PARK7: variants seen among roughly 807,000 people sequenced by gnomAD.
PARK7 encodes the protein Parkinsonism associated deglycase.
Under a neutral mutation model 20.5 loss-of-function variants are expected in PARK7, and 14 were observed. The ratio of observed to expected loss-of-function variants is 0.68; its 90% confidence interval spans 0.45 to 1.07. PARK7 has a LOEUF of 1.07. Ranked by LOEUF, PARK7 falls within the 50% of genes least tolerant of loss-of-function variation. PARK7 has a pLI of 0.00. For synonymous variants in PARK7, 98 were observed against 84.3 expected (o/e 1.16, Z -0.89); for missense variants, 234 against 238.1 (o/e 0.98, Z 0.11).
intron 5 of PARK7, among the ~76,000 whole-genome samples, chr1:7,974,133 G>C (rs1640522286): frequency 8.8e-6 from 1 of 113,954 alleles, no homozygotes; most frequent in Non-Finnish European, 2.1e-5. Flanking sequence ...AACATAGTGA[G>C]ACCCCCCCAC....
At chr1:7,967,128 A>ATT (rs142292173) in intron 3 of PARK7, among the ~76,000 whole-genome samples, 1 of 151,302 alleles carries the variant, frequency 6.6e-6, no homozygotes. Context: ...TATGTGATCA[A>ATT]TTTTTTTTTA....
chr1:7,970,679 G>A (rs1640446650), intron 4 of PARK7, among the ~76,000 whole-genome samples: 2 of 152,162 alleles, frequency 1.3e-5, no homozygotes, highest in Non-Finnish European at 1.5e-5. Flanking sequence ...GTGGAAGAGT[G>A]CGTTTCTCTT....
chr1:7,962,969 T>C, intron 2 of PARK7, 94 bp downstream of exon 2: 1 of 1,015,234 alleles, frequency 9.8e-7, no homozygotes, highest in South Asian at 1.3e-5. Flanking sequence ...CTCTATGAAA[T>C]ATTTCAAATA....
chr1:7,962,521 C>CT (rs1307592775), intron 1 of PARK7, among the ~76,000 whole-genome samples: 1 of 152,152 alleles, frequency 6.6e-6, no homozygotes, highest in African/African-American at 2.4e-5. Flanking sequence ...AGAAGAAAAT[C>CT]TAAGCAATAC....
At chr1:7,976,609 A>T (rs542410506) in intron 5 of PARK7, among the ~76,000 whole-genome samples, 1 of 152,212 alleles carries the variant, frequency 6.6e-6, no homozygotes, top group South Asian at 2.1e-4. Flanking sequence ...ACTTCCAGGC[A>T]CTTCACAGGC....
At chr1:7,975,005 G>A (rs1334644846) in intron 5 of PARK7, among the ~76,000 whole-genome samples, 1 of 151,888 alleles carries the variant, frequency 6.6e-6, no homozygotes, top group Non-Finnish European at 1.5e-5. Context: ...ACAGGCACCT[G>A]CCACCATGCC....
At chr1:7,971,300 G>T (rs1290733318) in intron 5 of PARK7, 4 of 384,790 alleles carry the variant, frequency 1.0e-5, no homozygotes, top group Non-Finnish European at 2.0e-5. Flanking sequence ...CACACAATCA[G>T]CAAAATCCAT....
chr1:7,974,850 CT>C lies in PARK7; in HGVS notation c.323-2784del, dbSNP rs547673963. ...AATTGGCAAACAGAAAAATAAGATT[CT>C]TTTTTTTTTTTTTTTTTGTTGAAAT... On this transcript the variant is annotated intron_variant, in intron 5 of 6. Coordinates refer to ENST00000338639, the MANE Select transcript of PARK7 (RefSeq NM_007262.5). Among the ~76,000 whole-genome samples, 1,074 of 125,574 alleles carry C rather than the reference CT, an allele frequency of 8.6e-3. 9 individuals are homozygous for C. Among genetic ancestry groups the C allele is most frequent in the African/African-American group, 0.025 (861 of 34,258 alleles). The allele number at this position is 125,574 out of a possible 152,430, so 82.4% of individuals were successfully genotyped here.
intron 6 of PARK7, among the ~76,000 whole-genome samples, chr1:7,980,086 A>G (rs113953372): frequency 0.052 from 7,921 of 151,472 alleles, 685 homozygotes; most frequent in African/African-American, 0.18. Context: ...GCGTGAACCC[A>G]AGAGGTGGAG....
rs1640616186 is a variant in PARK7 at position 7,977,748 on chromosome 1, T to C, written c.409+10T>C. 6.2e-7 allele frequency: 1 copy of C among 1,610,922 alleles called. No individual in the cohort carries two copies. The highest frequency in any genetic ancestry group is 1.7e-5 in the Admixed American group (1 of 59,978). On this transcript the variant is annotated intron_variant, in intron 6 of 6. Transcript: ENST00000338639. ...AAAATGATGAATGGAGGTAAGTATA[T>C]GCTTGTTTTTGTTTGTTTGTTTGTT...
rs547673963 is a variant in PARK7, at chr1:7,974,850, C to CTTT, written c.323-2786_323-2784dup. Among the ~76,000 whole-genome samples, 123 of 125,574 alleles carry CTTT rather than the reference C, an allele frequency of 9.8e-4. 2 individuals are homozygous for CTTT. The highest frequency in any genetic ancestry group is 3.2e-3 in the African/African-American group (109 of 34,256). The allele number at this position is 125,574 out of a possible 152,430, so 82.4% of individuals were successfully genotyped here. A position where few individuals can be genotyped will look rare whatever the true frequency, so the allele number is the denominator to read the frequency against. On this transcript the variant is annotated intron_variant, in intron 5 of 6. Coordinates refer to ENST00000338639, the MANE Select transcript of PARK7 (RefSeq NM_007262.5). Reference sequence around the variant, plus strand: ...AATTGGCAAACAGAAAAATAAGATTCTTTTTTTTTTTTTTTTTTGTTGAAA... The same window carrying CTTT: ...AATTGGCAAACAGAAAAATAAGATTCTTTTTTTTTTTTTTTTTTTTTGTTGAAA...
intron 3 of PARK7, among the ~76,000 whole-genome samples, chr1:7,966,786 CAG>C (rs1033091941): frequency 6.6e-6 from 1 of 152,100 alleles, no homozygotes; most frequent in Non-Finnish European, 1.5e-5. Context: ...CATTTTAAAA[CAG>C]TGGTTACCTT....
At chr1:7,964,933 C>T (rs1367319212) in intron 2 of PARK7, among the ~76,000 whole-genome samples, 1 of 152,170 alleles carries the variant, frequency 6.6e-6, no homozygotes, top group African/African-American at 2.4e-5. Flanking sequence ...CCACAGAGTA[C>T]AGGGCAGCAG....
At chr1:7,972,683 C>T (rs183902884) in intron 5 of PARK7, among the ~76,000 whole-genome samples, 2 of 152,254 alleles carry the variant, frequency 1.3e-5, no homozygotes, top group South Asian at 2.1e-4. Flanking sequence ...GTGGGCAGAT[C>T]GTTTGAGGTC....
At chr1:7,964,292 A>G (rs1640279078) in intron 2 of PARK7, among the ~76,000 whole-genome samples, 1 of 152,166 alleles carries the variant, frequency 6.6e-6, no homozygotes, top group Non-Finnish European at 1.5e-5. Flanking sequence ...CACCATCCTC[A>G]TTTTACAGTT....
rs199529022 is a variant in PARK7 at position 7,970,940 on chromosome 1, G to C, written c.299G>C (p.Gly100Ala). The change falls in exon 5 of 7, where the codon GGC (glycine) becomes GCC (alanine). Residue 100 changes from glycine (G) to alanine (A), a missense_variant. Physicochemically the swap from Gly to Ala is moderately conservative, Grantham distance 60. Transcript: ENST00000338639. ...CTGAAGGAGCAGGAAAACCGGAAGG[G>C]CCTGATAGCCGCCATCTGTGCAGGT... ...EILKEQENRK[G>A]LIAAICAGPT... 8.7e-6 allele frequency: 14 copies of C among 1,614,200 alleles called. No individual in the cohort carries two copies. Among genetic ancestry groups the C allele is most frequent in the Non-Finnish European group, 1.7e-6 (2 of 1,180,038 alleles).
chr1:7,977,897 T>G (rs1014329040), intron 6 of PARK7, among the ~76,000 whole-genome samples, 159 bp downstream of exon 6: 5 of 151,508 alleles, frequency 3.3e-5, no homozygotes, highest in African/African-American at 1.2e-4. Context: ...GTAGCTGGGA[T>G]TACAGGCGCA....
At chr1:7,970,120 A>G (rs781698539) in intron 4 of PARK7, among the ~76,000 whole-genome samples, 1 of 152,130 alleles carries the variant, frequency 6.6e-6, no homozygotes, top group Non-Finnish European at 1.5e-5. Context: ...ACTTGAGGCC[A>G]GGGATTTGAG....
chr1:7,978,392 G>T (rs1640632209), intron 6 of PARK7, among the ~76,000 whole-genome samples: 1 of 136,256 alleles, frequency 7.3e-6, no homozygotes, highest in South Asian at 2.3e-4. Flanking sequence ...CCTGTGTGTG[G>T]TTTTTTTTTT....
Sources: allele counts gnomAD v4.1 joint callset (sites outside exome capture counted in the v4.1 genomes callset), GRCh38; gene constraint gnomAD v4.1.1; transcripts MANE v1.5; gene names NCBI Gene and HGNC (gene_info 2026-07-23, HGNC 2026-07-21).